Variants in PTPRS observed in about 807,000 individuals in gnomAD.
PTPRS encodes the protein protein tyrosine phosphatase receptor type S, also known as receptor-type tyrosine-protein phosphatase S.
Under a neutral mutation model 215.3 loss-of-function variants are expected in PTPRS, and 63 were observed. The ratio of observed to expected loss-of-function variants is 0.29; its 90% CI spans 0.24 to 0.36. The LOEUF (loss-of-function observed/expected upper bound fraction) is 0.36. Ranked by LOEUF, PTPRS falls within the 10% of genes least tolerant of loss-of-function variation. The pLI is 1.00. For synonymous variants in PTPRS, 1,404 were observed against 1,191.4 expected (o/e 1.18, Z -3.68); for missense variants, 2,258 against 2,825.8 (o/e 0.80, Z 4.56).
At chr19:5,232,524 G>A (rs543272730) in intron 13 of PTPRS, among the ~76,000 whole-genome samples, 25 of 150,912 alleles carry the variant, frequency 1.7e-4, no homozygotes, top group Admixed American at 6.6e-4. Flanking sequence ...CTTATTATGC[G>A]CCAGGTACCG....
At chr19:5,269,944 A>T (rs1323108360) in intron 4 of PTPRS, among the ~76,000 whole-genome samples, 1 of 143,806 alleles carries the variant, frequency 7.0e-6, no homozygotes, top group East Asian at 2.0e-4. Context: ...AAAAAAAAAG[A>T]GTGTGGATGG....
chr19:5,316,248 G>A (rs1455858596), intron 1 of PTPRS, among the ~76,000 whole-genome samples: 1 of 152,034 alleles, frequency 6.6e-6, no homozygotes. Flanking sequence ...CACAGGTTTT[G>A]AACACTTTTC....
At chr19:5,258,167 G>C (rs777122766) in intron 7 of PTPRS, 40 bp from the exon 8 acceptor site, 1 of 1,541,784 alleles carries the variant, frequency 6.5e-7, no homozygotes, top group South Asian at 1.1e-5. Context: ...GTTAGAGGGG[G>C]GCCCAGGAGT....
rs376730668 is a variant in PTPRS at position 5,206,717 on chromosome 19, C to T, written c.*57G>A. On this transcript the variant is annotated 3_prime_UTR_variant, in exon 38 of 38. Coordinates refer to ENST00000262963, the MANE Select transcript of PTPRS (RefSeq NM_002850.4). ...GGGTCCAGGCCTCAGGAGGTCCGCC[C>T]GGGAGGGGCAGAGGCATCCGGGGCC... 43 of 1,537,028 alleles carry T rather than the reference C, an allele frequency of 2.8e-5. No individual in the cohort carries two copies. The highest frequency in any genetic ancestry group is 3.2e-5 in the Non-Finnish European group (36 of 1,112,010).
At chr19:5,259,542 T>C (rs2045825269) in intron 7 of PTPRS, among the ~76,000 whole-genome samples, 1 of 152,190 alleles carries the variant, frequency 6.6e-6, no homozygotes, top group South Asian at 2.1e-4. Context: ...GGCAAAAGTT[T>C]CCACACGTAT....
intron 13 of PTPRS, among the ~76,000 whole-genome samples, chr19:5,234,149 A>C (rs1350569441): frequency 3.4e-5 from 5 of 148,496 alleles, no homozygotes; most frequent in Non-Finnish European, 1.5e-5. Context: ...ATAATAATTT[A>C]CGGAAAATAT....
chr19:5,289,348 G>A (rs542403519), intron 1 of PTPRS, among the ~76,000 whole-genome samples: 4 of 152,176 alleles, frequency 2.6e-5, no homozygotes, highest in East Asian at 1.9e-4. Flanking sequence ...CATTGTCACC[G>A]ACCTGGACAG....
At position 5,339,090 on chromosome 19, in the gene PTPRS, G is replaced by A. The variant is rs994212180; in HGVS notation, c.-95+1574C>T. On this transcript the variant is annotated intron_variant, in intron 1 of 37. Transcript: ENST00000262963. The surrounding 1 kb of genome is among the most constrained non-coding windows in gnomAD (Gnocchi z 4.2). ...TGCTCAGCCGGGACTCCGACACCTCGGACACCCGCTTCACTAGCCGCGGCT... is the reference window on the plus strand; with the variant it reads ...TGCTCAGCCGGGACTCCGACACCTCAGACACCCGCTTCACTAGCCGCGGCT... 5.3e-5 allele frequency among the ~76,000 whole-genome samples: 8 copies of A among 152,148 alleles called. No individual in the cohort carries two copies. The highest frequency in any genetic ancestry group is 1.2e-4 in the Non-Finnish European group (8 of 68,012).
chr19:5,306,478 AT>A (rs2049498381), intron 1 of PTPRS, among the ~76,000 whole-genome samples: 1 of 151,992 alleles, frequency 6.6e-6, no homozygotes, highest in African/African-American at 2.4e-5. Context: ...TGAAAATGAT[AT>A]TCTGTTCGAA....
intron 1 of PTPRS, among the ~76,000 whole-genome samples, chr19:5,323,819 T>C (rs2050096710): frequency 1.3e-5 from 2 of 152,026 alleles, no homozygotes; most frequent in Admixed American, 1.3e-4. Context: ...AAAGATGTCA[T>C]TGTGGGAAGA....
intron 8 of PTPRS, among the ~76,000 whole-genome samples, chr19:5,256,448 A>G (rs1194834700): frequency 6.6e-6 from 1 of 152,046 alleles, no homozygotes; most frequent in Non-Finnish European, 1.5e-5. Context: ...ACTGTCCCCA[A>G]GAGGATGGAG....
At chr19:5,263,715 G>A (rs1190244586) in intron 5 of PTPRS, among the ~76,000 whole-genome samples, 2 of 152,248 alleles carry the variant, frequency 1.3e-5, no homozygotes, top group Non-Finnish European at 2.9e-5. Flanking sequence ...GTGTCCCCAC[G>A]CACGAGCACT....
intron 1 of PTPRS, among the ~76,000 whole-genome samples, chr19:5,309,733 T>C (rs538586027): frequency 6.6e-6 from 1 of 151,752 alleles, no homozygotes; most frequent in African/African-American, 2.4e-5. Context: ...AGCCAACCAC[T>C]TGGAGAAGCC....
chr19:5,248,739 G>A (rs781091343), intron 9 of PTPRS, among the ~76,000 whole-genome samples: 3 of 152,254 alleles, frequency 2.0e-5, no homozygotes, highest in Non-Finnish European at 4.4e-5. Flanking sequence ...GAATCCCATA[G>A]TAAACCTCTC....
At chr19:5,331,185 G>C (rs2050315585) in intron 1 of PTPRS, among the ~76,000 whole-genome samples, 1 of 150,934 alleles carries the variant, frequency 6.6e-6, no homozygotes, top group South Asian at 2.1e-4. Flanking sequence ...GGCTGGAGTG[G>C]AGTGATGCAA....
intron 1 of PTPRS, among the ~76,000 whole-genome samples, chr19:5,306,829 G>A (rs1388538454): frequency 1.3e-5 from 2 of 152,146 alleles, no homozygotes; most frequent in Non-Finnish European, 2.9e-5. Flanking sequence ...AGTCCCCGAG[G>A]AGACAATTGG....
chr19:5,333,345 A>G (rs1477283197), intron 1 of PTPRS, among the ~76,000 whole-genome samples: 1 of 149,476 alleles, frequency 6.7e-6, no homozygotes. Context: ...AATAATAATA[A>G]TAATACAAAA....
In PTPRS at chr19:5,260,806, T is replaced by C. The variant is rs1414736290; in HGVS notation, c.594A>G (p.Arg198=). The C allele has an allele frequency of 3.7e-6, 6 of 1,613,516 alleles. No individual in the cohort carries two copies. The highest frequency in any genetic ancestry group is 5.1e-6 in the Non-Finnish European group (6 of 1,179,784). ...RSETFESTPI[R]GALQIESSEE... The stretch of plus-strand genomic sequence containing the variant: ...GTGGGTGAGTGAGGAGCCTCTTACC[T>C]CGAATCGGAGTGCTTTCTGTAAGGG... The change falls in exon 7 of 38, where the codon CGA becomes CGG. Residue 198 remains arginine, a splice_region_variant and synonymous_variant. Coordinates refer to ENST00000262963, the MANE Select transcript of PTPRS (RefSeq NM_002850.4).
In PTPRS at chr19:5,219,326, T is replaced by C. The variant is rs149250405; in HGVS notation, c.3907A>G (p.Ile1303Val). Reference sequence around the variant, plus strand: ...GGGGCTTACTTCTTGTAGAGCAGGATAGCAATGACAATGCAGATTATGAAG... The same window carrying C: ...GGGGCTTACTTCTTGTAGAGCAGGACAGCAATGACAATGCAGATTATGAAG... ...VVFIICIVIA[I>V]LLYKNKPDSK... Residue 1303 changes from isoleucine to valine, a missense_variant, in exon 23 of 38, where the codon ATC becomes GTC. By Grantham distance (29) the Ile-to-Val change is conservative (BLOSUM62 3). This residue lies in a region of PTPRS where 927 missense variants were observed against 1,125.9 expected (regional missense o/e 0.82). Transcript: ENST00000262963. 6.2e-7 allele frequency: 1 copy of C among 1,613,940 alleles called. No homozygotes were observed. Among genetic ancestry groups the C allele is most frequent in the Non-Finnish European group, 8.5e-7 (1 of 1,179,996 alleles).
Sources: gnomAD v4.1 joint callset for allele counts (sites outside exome capture counted in the v4.1 genomes callset) on GRCh38, gnomAD v4.1.1 for gene constraint, gnomAD v4.1.1 regional missense constraint, Gnocchi (gnomAD v3.1) non-coding constraint, MANE v1.5 for transcripts, NCBI Gene and HGNC (gene_info 2026-07-23, HGNC 2026-07-21) for gene names.